Variants in SLC20A1 observed in about 807,000 individuals in gnomAD.
SLC20A1 encodes solute carrier family 20 member 1.
Under a neutral mutation model 62.7 loss-of-function variants are expected in SLC20A1, and 28 were observed. The observed-to-expected ratio is 0.45, with a 90% CI of 0.33 to 0.61. The LOEUF is 0.61. Ranked by LOEUF, SLC20A1 falls within the 20% of genes least tolerant of loss-of-function variation. The pLI is 0.02. For missense variants in SLC20A1, 673 were observed against 838.6 expected, an observed-to-expected ratio of 0.80 and a Z score of 2.44; for synonymous variants, 305 against 302.9, an observed-to-expected ratio of 1.01 and a Z score of -0.07.
At chr2:112,649,485 T>A (rs1268587611) in intron 4 of SLC20A1, among the ~76,000 whole-genome samples, 2 of 152,252 alleles carry the variant, frequency 1.3e-5, no homozygotes, top group Non-Finnish European at 2.9e-5. Flanking sequence ...GTATCTTAAC[T>A]GCTAAAATCT....
rs377665017 is a variant in SLC20A1, at chr2:112,660,454, G to T, written c.1675G>T (p.Ala559Ser). 7 of 1,614,146 alleles carry T rather than the reference G, an allele frequency of 4.3e-6. 1 individual carries two copies. Among genetic ancestry groups the T allele is most frequent in the African/African-American group, 1.3e-5 (1 of 75,034 alleles). ...CACAGGAGATGTTTCTTCAAAAGTG[G>T]CAACACCAATATGGCTTCTACTCTA... ...YDTGDVSSKV[A>S]TPIWLLLYGG... is the part of the protein sequence containing the mutation. Residue 559 changes from alanine to serine, a missense_variant, in exon 9 of 11, where the codon GCA becomes TCA. Transcript: ENST00000272542.
Position 112,659,042 on chromosome 2 carries a change from G to T in SLC20A1, c.996G>T (p.Arg332Ser). 3 of 1,614,070 alleles carry T rather than the reference G, an allele frequency of 1.9e-6. No individual in the cohort carries two copies. Among genetic ancestry groups the T allele is most frequent in the Non-Finnish European group, 2.5e-6 (3 of 1,179,974 alleles). Reference sequence around the variant, plus strand: ...TGGAGGAAGCTCCAGAGAGAGAGAGGCTTCCCAGCGTGGACTTGAAAGAGG... The same window carrying T: ...TGGAGGAAGCTCCAGAGAGAGAGAGTCTTCCCAGCGTGGACTTGAAAGAGG... ...GDLEEAPERE[R>S]LPSVDLKEET... is the part of the protein sequence containing the mutation. The change falls in exon 7 of 11, where the codon AGG (arginine) becomes AGT (serine). Residue 332 changes from arginine to serine, a missense_variant. By Grantham distance (110) the Arg-to-Ser change is moderately radical (BLOSUM62 -1). Coordinates refer to ENST00000272542, the MANE Select transcript of SLC20A1 (RefSeq NM_005415.5).
chr2:112,647,790 T>A (rs1686324080), intron 4 of SLC20A1, 52 bp downstream of exon 4: 1 of 1,422,628 alleles, frequency 7.0e-7, no homozygotes, highest in African/African-American at 1.4e-5. Context: ...CCCAATCGAT[T>A]TCAAACCCAG....
intron 4 of SLC20A1, chr2:112,652,394 G>A (rs1363370525): frequency 9.7e-6 from 4 of 410,652 alleles, no homozygotes; most frequent in Non-Finnish European, 1.8e-5. Context: ...GTGTGCTGAA[G>A]TTTATATTAG....
intron 5 of SLC20A1, among the ~76,000 whole-genome samples, chr2:112,654,926 A>G (rs1202014057): frequency 6.6e-6 from 1 of 151,588 alleles, no homozygotes; most frequent in Non-Finnish European, 1.5e-5. Context: ...CAAAAACAAA[A>G]AAAGTTTTAG....
chr2:112,660,422 T>C lies in SLC20A1; in HGVS notation c.1643T>C (p.Val548Ala). The stretch of plus-strand genomic sequence containing the variant: ...GGGCCTCTGGTTGCTTTATATTTGG[T>C]TTATGACACAGGAGATGTTTCTTCA... ...AIGPLVALYL[V>A]YDTGDVSSKV... Residue 548 changes from valine to alanine, a missense_variant, in exon 9 of 11, where the codon GTT becomes GCT. Val to Ala is a moderately conservative substitution (Grantham distance 64). Coordinates refer to ENST00000272542, the MANE Select transcript of SLC20A1 (RefSeq NM_005415.5). The C allele has an allele frequency of 3.1e-6, 5 of 1,614,180 alleles. No individual in the cohort carries two copies. The highest frequency in any genetic ancestry group is 4.2e-6 in the Non-Finnish European group (5 of 1,180,014).
At chr2:112,650,946 A>G (rs577773938) in intron 4 of SLC20A1, among the ~76,000 whole-genome samples, 3 of 152,318 alleles carry the variant, frequency 2.0e-5, no homozygotes, top group East Asian at 1.9e-4. Context: ...TCTTAAGACT[A>G]GTCTTTAGAA....
At chr2:112,649,684 C>T (rs977348525) in intron 4 of SLC20A1, among the ~76,000 whole-genome samples, 4 of 152,094 alleles carry the variant, frequency 2.6e-5, no homozygotes, top group Admixed American at 6.5e-5. Context: ...CTATTTAGGA[C>T]TGGCATCGCA....
intron 4 of SLC20A1, among the ~76,000 whole-genome samples, chr2:112,650,536 G>A (rs2104642587): frequency 6.6e-6 from 1 of 151,978 alleles, no homozygotes; most frequent in South Asian, 2.1e-4. Context: ...TCACCACGTT[G>A]GTCAAGCTGG....
intron 6 of SLC20A1, 144 bp downstream of exon 6, chr2:112,657,385 A>T (rs1004061497): frequency 1.2e-6 from 1 of 859,986 alleles, no homozygotes; most frequent in Non-Finnish European, 1.7e-6. Flanking sequence ...TTGTTGTCCA[A>T]ACTGTTTTTA....
chr2:112,656,731 A>G (rs1050829750), intron 5 of SLC20A1, among the ~76,000 whole-genome samples: 1 of 88,134 alleles, frequency 1.1e-5, no homozygotes, highest in Non-Finnish European at 2.5e-5. Flanking sequence ...GTAGGTGGTA[A>G]TGGAATATGT....
intron 5 of SLC20A1, chr2:112,653,011 C>T: frequency 8.5e-7 from 1 of 1,182,580 alleles, no homozygotes; most frequent in Non-Finnish European, 1.2e-6. Context: ...TAAATCACTA[C>T]AGACCTTTCC....
At chr2:112,648,484 T>G (rs1686344227) in intron 4 of SLC20A1, among the ~76,000 whole-genome samples, 2 of 152,362 alleles carry the variant, frequency 1.3e-5, no homozygotes, top group South Asian at 4.1e-4. Flanking sequence ...TGAATGGCTC[T>G]TAACAATCCA....
intron 8 of SLC20A1, among the ~76,000 whole-genome samples, chr2:112,659,966 AGAT>A (rs1686703033): frequency 6.6e-6 from 1 of 152,270 alleles, no homozygotes; most frequent in South Asian, 2.1e-4. Context: ...TTATTTTTGT[AGAT>A]GATAAATATA....
rs776917100 is a variant in SLC20A1, at chr2:112,662,892, T to C, written c.1907T>C (p.Leu636Pro). ...KVGSVVSVGW[L>P]RSKKAVDWRL... ...GGCTCTGTTGTGTCTGTTGGCTGGC[T>C]CCGGTCCAAGAAGGCTGTTGACTGG... is the stretch of plus-strand genomic sequence containing the variant. The change falls in exon 11 of 11, where the codon CTC (leucine) becomes CCC (proline). Residue 636 changes from leucine to proline, a missense_variant. Physicochemically the swap from Leu to Pro is moderately conservative, Grantham distance 98 (BLOSUM62 -3). Coordinates refer to ENST00000272542, the MANE Select transcript of SLC20A1 (RefSeq NM_005415.5). 1 of 1,614,204 alleles carries C rather than the reference T, an allele frequency of 6.2e-7. No individual in the cohort carries two copies. The highest frequency in any genetic ancestry group is 1.7e-5 in the Admixed American group (1 of 60,022).
Position 112,658,805 on chromosome 2 carries a change from AC to A in SLC20A1, c.779-14del, listed in dbSNP as rs750155417. ...TATGGCCACAACCAAACCAAAAAAG[AC>A]CCCCCTTTTTTTTCCTAGGAGAAAT... On this transcript the variant is annotated intron_variant, in intron 6 of 10. Transcript: ENST00000272542. The A allele has an allele frequency of 3.2e-6, 5 of 1,580,244 alleles. No individual in the cohort carries two copies. In the East Asian group the frequency reaches 9.0e-5, roughly 28 times the overall value.
chr2:112,655,697 C>G (rs909773426), intron 5 of SLC20A1, among the ~76,000 whole-genome samples: 1 of 152,000 alleles, frequency 6.6e-6, no homozygotes, highest in Non-Finnish European at 1.5e-5. Context: ...TGCTTTACTT[C>G]TTTTCGTTTG....
chr2:112,656,180 A>C (rs556829300), intron 5 of SLC20A1, among the ~76,000 whole-genome samples: 69 of 142,340 alleles, frequency 4.8e-4, no homozygotes, highest in African/African-American at 1.6e-3. Context: ...TGTGTGAGAA[A>C]GACAAAACTT....
chr2:112,649,868 G>A (rs1370682370), intron 4 of SLC20A1, among the ~76,000 whole-genome samples: 2 of 152,216 alleles, frequency 1.3e-5, no homozygotes, highest in Admixed American at 6.5e-5. Context: ...AAGATGGGGG[G>A]TTTTGTGAAG....
Sources: allele counts gnomAD v4.1 joint callset (sites outside exome capture counted in the v4.1 genomes callset), GRCh38; gene constraint gnomAD v4.1.1; transcripts MANE v1.5; gene names NCBI Gene and HGNC (gene_info 2026-07-23, HGNC 2026-07-21).